The following APLF variants were observed in gnomAD, a reference collection of about 807,000 sequenced individuals.
APLF encodes aprataxin and PNK-like factor.
A neutral mutation model predicts 55.6 loss-of-function variants in APLF; 61 were observed. The observed-to-expected ratio is 1.10, with a 90% CI of 0.89 to 1.36. The LOEUF is 1.36. APLF is among the 40% of genes most tolerant of loss of function. APLF has a pLI of 0.00. For missense variants in APLF, 611 were observed against 602.5 expected (o/e 1.01, Z -0.15); for synonymous variants, 207 against 214.8 (o/e 0.96, Z 0.32).
intron 6 of APLF, chr2:68,528,664 C>A: frequency 6.6e-7 from 1 of 1,512,234 alleles, no homozygotes; most frequent in East Asian, 2.4e-5. Flanking sequence ...GGGAGCAGCC[C>A]GGAACTGGGG....
chr2:68,540,279 TGTTA>T, intron 7 of APLF, among the ~76,000 whole-genome samples: 2 of 152,134 alleles, frequency 1.3e-5, no homozygotes, highest in South Asian at 2.1e-4. Context: ...CCTGTTCTTG[TGTTA>T]GTTGGCTGAG....
chr2:68,479,197 G>T (rs1350446304), intron 1 of APLF, among the ~76,000 whole-genome samples: 3 of 152,136 alleles, frequency 2.0e-5, no homozygotes, highest in Non-Finnish European at 4.4e-5. Context: ...GGAAAAGATT[G>T]TCAGTGTTAT....
chr2:68,572,824 G>A (rs1671504882), intron 9 of APLF, among the ~76,000 whole-genome samples: 1 of 151,824 alleles, frequency 6.6e-6, no homozygotes, highest in Non-Finnish European at 1.5e-5. Context: ...GGGCAACAGA[G>A]CAACACTCTG....
At chr2:68,525,738 C>CTT (rs1316999754) in intron 5 of APLF, among the ~76,000 whole-genome samples, 6 of 106,850 alleles carry the variant, frequency 5.6e-5, no homozygotes, top group African/African-American at 2.8e-4. Context: ...TATTTTCTTT[C>CTT]TTTCTTTTTT....
chr2:68,539,792 A>G (rs1670496440), intron 7 of APLF, among the ~76,000 whole-genome samples: 1 of 152,166 alleles, frequency 6.6e-6, no homozygotes, highest in African/African-American at 2.4e-5. Flanking sequence ...AGCTAACTTC[A>G]TACTTAATGG....
intron 9 of APLF, among the ~76,000 whole-genome samples, chr2:68,576,702 T>G (rs1431109989): frequency 6.6e-6 from 1 of 152,182 alleles, no homozygotes; most frequent in Non-Finnish European, 1.5e-5. Context: ...ACAGATACAT[T>G]ACTTCCTTTG....
chr2:68,547,814 T>C (rs573314472), intron 8 of APLF, among the ~76,000 whole-genome samples: 11 of 151,898 alleles, frequency 7.2e-5, no homozygotes, highest in African/African-American at 2.6e-4. Context: ...AACAAACTAA[T>C]ATGCCATCTA....
At chr2:68,573,943 C>G (rs901503315) in intron 9 of APLF, among the ~76,000 whole-genome samples, 7 of 152,120 alleles carry the variant, frequency 4.6e-5, no homozygotes, top group Admixed American at 1.3e-4. Context: ...AAAGCCGGAA[C>G]AACTTCAGGT....
rs186927740 is a variant in APLF at position 68,486,897 on chromosome 2, C to A, written c.97-3293C>A. Reference sequence around the variant, plus strand: ...TAATCAGTAAGTAAACTTGGGCAAGCCTTCAGTATATTTTGAAGTAATTTA... The same window carrying A: ...TAATCAGTAAGTAAACTTGGGCAAGACTTCAGTATATTTTGAAGTAATTTA... On this transcript the variant is annotated intron_variant, in intron 1 of 9. Coordinates refer to ENST00000303795, the MANE Select transcript of APLF (RefSeq NM_173545.3). Among the ~76,000 whole-genome samples the A allele has an allele frequency of 3.5e-4, 54 of 152,158 alleles. No individual in the cohort carries two copies. The East Asian group carries it at 5.2e-3, about 15-fold the overall frequency.
At chr2:68,485,873 G>A (rs143747537) in intron 1 of APLF, among the ~76,000 whole-genome samples, 2,012 of 148,320 alleles carry the variant, frequency 0.014, 47 homozygotes, top group African/African-American at 0.046. Context: ...GCAGTGGCGC[G>A]ATCATGGCTC....
chr2:68,520,609 A>G (rs1669870110), intron 5 of APLF, among the ~76,000 whole-genome samples: 1 of 151,972 alleles, frequency 6.6e-6, no homozygotes, highest in African/African-American at 2.4e-5. Context: ...TGCTGTGTCA[A>G]AGCTCAGTTG....
intron 1 of APLF, among the ~76,000 whole-genome samples, chr2:68,473,948 C>T (rs1675695455): frequency 6.6e-6 from 1 of 152,206 alleles, no homozygotes; most frequent in Non-Finnish European, 1.5e-5. Flanking sequence ...AAGATTTCCC[C>T]CCACTTCTGA....
At chr2:68,564,575 C>A (rs375936904) in intron 8 of APLF, among the ~76,000 whole-genome samples, 3 of 152,110 alleles carry the variant, frequency 2.0e-5, no homozygotes, top group South Asian at 4.2e-4. Flanking sequence ...CCTACCAAGC[C>A]CTTAGATTAA....
In APLF at chr2:68,469,799, A is replaced by ATTACT. The variant is rs1192841324; in HGVS notation, c.96+1972_96+1973insTTACT. ...TGAGTTCTAAGTGGAAAACTCAGTAAGTTCATTGTAAATTGGAATCGGAAA... is the reference window on the plus strand; with the variant it reads ...TGAGTTCTAAGTGGAAAACTCAGTAATTACTGTTCATTGTAAATTGGAATCGGAAA... On this transcript the variant is annotated intron_variant, in intron 1 of 9. Coordinates refer to ENST00000303795, the MANE Select transcript of APLF (RefSeq NM_173545.3). Among the ~76,000 whole-genome samples, 7 of 152,238 alleles carry ATTACT rather than the reference A, an allele frequency of 4.6e-5. No homozygotes were observed. The South Asian group carries it at 1.0e-3, about 22-fold the overall frequency.
chr2:68,493,143 T>A (rs1676422421), intron 2 of APLF, among the ~76,000 whole-genome samples: 1 of 152,188 alleles, frequency 6.6e-6, no homozygotes, highest in Admixed American at 6.5e-5. Context: ...AAGTTACAAC[T>A]AATTGATGAT....
intron 5 of APLF, among the ~76,000 whole-genome samples, chr2:68,523,013 A>G (rs1325953906): frequency 2.6e-5 from 4 of 151,948 alleles, no homozygotes; most frequent in African/African-American, 9.7e-5. Context: ...AAGGAAAAAT[A>G]CTTCTATGCA....
intron 5 of APLF, among the ~76,000 whole-genome samples, chr2:68,516,888 A>AT (rs1558538191): frequency 1.6e-4 from 21 of 132,666 alleles, no homozygotes; most frequent in South Asian, 4.3e-4. Context: ...TGTTATATAT[A>AT]ATATAATAAT....
In APLF at chr2:68,577,999, A is replaced by G; in HGVS notation, c.1513A>G (p.Lys505Glu). The G allele has an allele frequency of 6.2e-7, 1 of 1,613,028 alleles. No individual in the cohort carries two copies. Among genetic ancestry groups the G allele is most frequent in the Non-Finnish European group, 8.5e-7 (1 of 1,179,498 alleles). The change falls in exon 10 of 10, where the codon AAA becomes GAA. Residue 505 changes from lysine to glutamate, a missense_variant. Physicochemically the swap from Lys to Glu is moderately conservative, Grantham distance 56. Coordinates refer to ENST00000303795, the MANE Select transcript of APLF (RefSeq NM_173545.3). ...EDVEELLKEA[K>E]RFMKRK ...TGTGGAAGAGCTTTTGAAAGAAGCAAAAAGGTTTATGAAAAGAAAATAGTA... is the reference window on the plus strand; with the variant it reads ...TGTGGAAGAGCTTTTGAAAGAAGCAGAAAGGTTTATGAAAAGAAAATAGTA...
At chr2:68,574,128 A>G (rs1432039077) in intron 9 of APLF, among the ~76,000 whole-genome samples, 2 of 151,616 alleles carry the variant, frequency 1.3e-5, no homozygotes, top group Non-Finnish European at 2.9e-5. Flanking sequence ...ACTTGGGAAT[A>G]TTGTAATGAG....
Sources: allele counts gnomAD v4.1 joint callset (sites outside exome capture counted in the v4.1 genomes callset), GRCh38; gene constraint gnomAD v4.1.1; transcripts MANE v1.5; gene names NCBI Gene and HGNC (gene_info 2026-07-23, HGNC 2026-07-21).